The following SVEP1 variants were observed in gnomAD, a reference collection of about 807,000 sequenced individuals.
The protein encoded by SVEP1 is sushi, von Willebrand factor type A, EGF and pentraxin domain containing 1, also known as sushi, von Willebrand factor type A, EGF and pentraxin domain-containing protein 1.
SVEP1 carries 164 observed loss-of-function variants against 367.3 expected under a neutral mutation model. That is an observed-to-expected ratio of 0.45 (90% CI 0.39 to 0.51). The LOEUF is 0.51. SVEP1 is among the 20% of genes least tolerant of loss of function. The pLI, the probability that SVEP1 is intolerant of heterozygous loss-of-function variation, is 0.00. For synonymous variants in SVEP1, 1,666 were observed against 1,611.6 expected (o/e 1.03, Z -0.81); for missense variants, 4,117 against 4,425.3 (o/e 0.93, Z 1.98).
intron 3 of SVEP1, among the ~76,000 whole-genome samples, chr9:110,522,592 G>A (rs573890070): frequency 1.3e-5 from 2 of 152,230 alleles, no homozygotes; most frequent in East Asian, 1.9e-4. Flanking sequence ...CTGAATGTCC[G>A]CCTGTCCTAA....
intron 5 of SVEP1, among the ~76,000 whole-genome samples, chr9:110,510,654 A>G (rs1829695978): frequency 6.6e-6 from 1 of 152,198 alleles, no homozygotes; most frequent in African/African-American, 2.4e-5. Context: ...TGGAGGGTGC[A>G]GGCTTGAGAG....
chr9:110,439,591 G>A (rs1171103497), intron 27 of SVEP1, among the ~76,000 whole-genome samples: 4 of 151,844 alleles, frequency 2.6e-5, no homozygotes, highest in Non-Finnish European at 5.9e-5. Context: ...GTAGAGACGG[G>A]GTTTCACCAT....
rs957015848 is a variant in SVEP1 at position 110,579,034 on chromosome 9, C to T, written c.510G>A (p.Lys170=). The change falls in exon 1 of 48, where the codon AAG becomes AAA. Residue 170 remains lysine, a synonymous_variant. Transcript: ENST00000374469. The surrounding 1 kb of genome is among the most constrained non-coding windows in gnomAD (Gnocchi z 5.3). ...ISYRGGGTYT[K]GAFQQAAQIL... ...TTACCGCGGCTTGCTGGAAGGCGCCCTTGGTGTAGGTGCCGCCACCTCGGT... is the reference window on the plus strand; with the variant it reads ...TTACCGCGGCTTGCTGGAAGGCGCCTTTGGTGTAGGTGCCGCCACCTCGGT... 1 of 1,548,630 alleles carries T rather than the reference C, an allele frequency of 6.5e-7. No homozygotes were observed. Among genetic ancestry groups the T allele is most frequent in the African/African-American group, 1.4e-5 (1 of 73,060 alleles).
Position 110,429,104 on chromosome 9 carries a change from A to C in SVEP1, c.5807+39T>G, listed in dbSNP as rs1250419078. 3 of 1,446,210 alleles carry C rather than the reference A, an allele frequency of 2.1e-6. No homozygotes were observed. In the African/African-American group the frequency reaches 4.3e-5, roughly 21 times the overall value. 89.6% of individuals were successfully genotyped at this position (1,446,210 alleles called of 1,614,324 possible). On this transcript the variant is annotated intron_variant, in intron 35 of 47. Transcript: ENST00000374469. The stretch of plus-strand genomic sequence containing the variant: ...AAATAAAATAGGGAGCGAGTAACAC[A>C]GTATTGTAGAAAGCTTGGTTGGTGT...
intron 46 of SVEP1, 107 bp from the exon 47 acceptor site, chr9:110,370,123 T>G (rs1198051809): frequency 1.0e-6 from 1 of 974,808 alleles, no homozygotes; most frequent in Non-Finnish European, 1.6e-6. Flanking sequence ...CAGCAGCCAC[T>G]GCTGGTCTTC....
chr9:110,369,966 G>T lies in SVEP1; in HGVS notation c.10651C>A (p.Arg3551=), dbSNP rs745623061. 6.2e-7 allele frequency: 1 copy of T among 1,613,288 alleles called. No individual in the cohort carries two copies. The highest frequency in any genetic ancestry group is 1.1e-5 in the South Asian group (1 of 91,002). ...GTCCAAGAAGAAAGACAGTGACATC[G>T]GTTTGGTCTTACACATTTTCCACCA... The part of the protein sequence containing the change: ...LNGGKCVRPN[R]CHCLSSWTGH... Residue 3551 remains arginine (R), a synonymous_variant, in exon 47 of 48, where the codon CGA becomes AGA. Coordinates refer to ENST00000374469, the MANE Select transcript of SVEP1 (RefSeq NM_153366.4).
rs149091867 is a variant in SVEP1 at position 110,559,106 on chromosome 9, A to G, written c.532-9002T>C. 2.6e-4 allele frequency among the ~76,000 whole-genome samples: 39 copies of G among 152,234 alleles called. No individual in the cohort carries two copies. The East Asian group carries it at 7.3e-3, about 29-fold the overall frequency. On this transcript the variant is annotated intron_variant, in intron 1 of 47. Coordinates refer to ENST00000374469, the MANE Select transcript of SVEP1 (RefSeq NM_153366.4). ...AATGGAAACCATGTTCAACTATTAG[A>G]AAAACAGCAGATTTCCCAAGTAGGT...
chr9:110,492,354 A>T (rs1251686682), intron 8 of SVEP1, among the ~76,000 whole-genome samples: 1 of 152,124 alleles, frequency 6.6e-6, no homozygotes, highest in Non-Finnish European at 1.5e-5. Context: ...TAGAATAAGA[A>T]TCCCAGATTA....
intron 5 of SVEP1, among the ~76,000 whole-genome samples, chr9:110,505,699 T>C (rs1265374033): frequency 6.6e-6 from 1 of 152,100 alleles, no homozygotes; most frequent in Non-Finnish European, 1.5e-5. Flanking sequence ...CTTTCTCTTT[T>C]TTCTCTCTCT....
Position 110,395,169 on chromosome 9 carries a change from C to T in SVEP1, c.9823-5582G>A, listed in dbSNP as rs1298277765. Among the ~76,000 whole-genome samples the T allele has an allele frequency of 3.9e-5, 6 of 152,348 alleles. No individual in the cohort carries two copies. The East Asian group carries it at 5.8e-4, about 15-fold the overall frequency. The stretch of plus-strand genomic sequence containing the variant: ...AGCTGATCTCTCAGCAGAAACTCTA[C>T]AAGCCAGAAGAGAGTGGGGGCCAAT... On this transcript the variant is annotated intron_variant, in intron 40 of 47. Transcript: ENST00000374469.
intron 46 of SVEP1, among the ~76,000 whole-genome samples, chr9:110,373,552 G>A (rs1827307805): frequency 1.3e-5 from 2 of 151,578 alleles, no homozygotes; most frequent in African/African-American, 2.4e-5. Flanking sequence ...CCACTGAGGA[G>A]GTGGTATAAA....
Position 110,483,691 on chromosome 9 carries a change from C to G in SVEP1, c.1933G>C (p.Ala645Pro). The change falls in exon 10 of 48, where the codon GCA becomes CCA. Residue 645 changes from alanine to proline, a missense_variant and splice_region_variant. By Grantham distance (27) the Ala-to-Pro change is conservative. This residue lies in a region of SVEP1 where 2,174 missense variants were observed against 2,494.3 expected (regional missense o/e 0.87). Coordinates refer to ENST00000374469, the MANE Select transcript of SVEP1 (RefSeq NM_153366.4). ...SCIFHIKVID[A>P]EPPVIDWCRS... ...CACCAGTCTATGACAGGTGGTTCTG[C>G]ATCTGAAGAACATGAAATCAGACAA... 3.2e-6 allele frequency: 5 copies of G among 1,584,724 alleles called. No individual in the cohort carries two copies. The highest frequency in any genetic ancestry group is 4.3e-6 in the Non-Finnish European group (5 of 1,167,180).
At chr9:110,503,485 C>T (rs1829572967) in intron 5 of SVEP1, among the ~76,000 whole-genome samples, 1 of 152,176 alleles carries the variant, frequency 6.6e-6, no homozygotes, top group South Asian at 2.1e-4. Flanking sequence ...CCTGGCCCTA[C>T]ATGGAAGATG....
intron 44 of SVEP1, 102 bp downstream of exon 44, chr9:110,379,245 G>T: frequency 1.5e-6 from 2 of 1,290,858 alleles, no homozygotes; most frequent in South Asian, 1.7e-5. Context: ...TAAAGCCAAG[G>T]AAAAATAAAG....
At chr9:110,574,980 C>T (rs1296506997) in intron 1 of SVEP1, among the ~76,000 whole-genome samples, 6 of 152,042 alleles carry the variant, frequency 3.9e-5, no homozygotes, top group African/African-American at 1.2e-4. Flanking sequence ...CTCCTGACCT[C>T]GTGATCCACC....
At position 110,458,451 on chromosome 9, in the gene SVEP1, T is replaced by C. The variant is rs1366995985; in HGVS notation, c.3576+20A>G. 2 of 1,603,448 alleles carry C rather than the reference T, an allele frequency of 1.2e-6. No homozygotes were observed. The highest frequency in any genetic ancestry group is 3.4e-5 in the Admixed American group (2 of 58,730). ...TTCCAAGCATTCCACTAGAGAACAG[T>C]TTATGCAAAATGAACTTGCCTGACT... On this transcript the variant is annotated intron_variant, in intron 20 of 47. Coordinates refer to ENST00000374469, the MANE Select transcript of SVEP1 (RefSeq NM_153366.4).
chr9:110,534,031 A>G (rs1286472972), intron 3 of SVEP1, among the ~76,000 whole-genome samples: 1 of 151,978 alleles, frequency 6.6e-6, no homozygotes, highest in East Asian at 1.9e-4. Context: ...CACTTTTTTA[A>G]ACTTTTACTT....
chr9:110,514,624 G>T (rs990471615), intron 3 of SVEP1, among the ~76,000 whole-genome samples: 1 of 152,062 alleles, frequency 6.6e-6, no homozygotes, highest in Admixed American at 6.5e-5. Flanking sequence ...TATTTGCAAG[G>T]TATGAAGTGG....
At chr9:110,547,992 T>G (rs1830241260) in intron 2 of SVEP1, among the ~76,000 whole-genome samples, 2 of 152,200 alleles carry the variant, frequency 1.3e-5, no homozygotes, top group South Asian at 4.1e-4. Context: ...CTGGGTCAAC[T>G]TCCATCAGGA....
Sources: gnomAD v4.1 joint callset for allele counts (sites outside exome capture counted in the v4.1 genomes callset) on GRCh38, gnomAD v4.1.1 for gene constraint, gnomAD v4.1.1 regional missense constraint, Gnocchi (gnomAD v3.1) non-coding constraint, MANE v1.5 for transcripts, NCBI Gene and HGNC (gene_info 2026-07-23, HGNC 2026-07-21) for gene names.